The following XYLT1 variants were observed in gnomAD, a reference collection of about 807,000 sequenced individuals.
XYLT1 encodes beta-D-xylosyltransferase 1.
In XYLT1, 36 loss-of-function variants were observed where a neutral mutation model predicts 91.3. That is an observed-to-expected ratio of 0.39 (90% confidence interval 0.30 to 0.52). XYLT1 has a LOEUF of 0.52. XYLT1 is among the 20% of genes least tolerant of loss of function. XYLT1 has a pLI of 0.68. For missense variants in XYLT1, 1,242 were observed against 1,284.5 expected (o/e 0.97, Z 0.51); for synonymous variants, 588 against 532.0 (o/e 1.11, Z -1.45).
intron 1 of XYLT1, among the ~76,000 whole-genome samples, chr16:17,398,834 TTTTTG>T (rs61263735): frequency 6.7e-4 from 66 of 98,310 alleles, no homozygotes; most frequent in African/African-American, 1.0e-3. Context: ...CCCCACTGTT[TTTTTG>T]TTTTGTTTTG....
chr16:17,321,767 T>C (rs1172854561), intron 2 of XYLT1, among the ~76,000 whole-genome samples: 2 of 152,116 alleles, frequency 1.3e-5, no homozygotes, highest in South Asian at 2.1e-4. Context: ...TGGGGTGCTA[T>C]TGGAATCTAC....
chr16:17,192,366 T>A (rs1434277887), intron 5 of XYLT1, among the ~76,000 whole-genome samples: 1 of 152,096 alleles, frequency 6.6e-6, no homozygotes, highest in Non-Finnish European at 1.5e-5. Flanking sequence ...CCCAAAGTGC[T>A]GGTGGCATTA....
At chr16:17,352,339 C>G (rs1025191003) in intron 2 of XYLT1, among the ~76,000 whole-genome samples, 9 of 152,210 alleles carry the variant, frequency 5.9e-5, no homozygotes, top group African/African-American at 1.9e-4. Flanking sequence ...ATGCTCACAT[C>G]AGACATTAGT....
At chr16:17,132,712 G>A (rs576041297) in intron 9 of XYLT1, among the ~76,000 whole-genome samples, 36 of 152,206 alleles carry the variant, frequency 2.4e-4, no homozygotes, top group African/African-American at 7.0e-4. Flanking sequence ...AGACCAGCCT[G>A]GCCAACCTGG....
intron 1 of XYLT1, among the ~76,000 whole-genome samples, chr16:17,389,857 C>T (rs777615074): frequency 2.6e-5 from 4 of 152,132 alleles, no homozygotes; most frequent in Admixed American, 1.3e-4. Context: ...TTAAATTTAC[C>T]GACAGCTTAA....
intron 6 of XYLT1, among the ~76,000 whole-genome samples, chr16:17,148,223 G>A (rs887536553): frequency 2.0e-5 from 3 of 152,138 alleles, no homozygotes; most frequent in South Asian, 2.1e-4. Context: ...TTTAGTAAGC[G>A]CTGTTCACCC....
chr16:17,259,319 T>C lies in XYLT1; in HGVS notation c.582A>G (p.Lys194=). The C allele has an allele frequency of 6.2e-7, 1 of 1,614,098 alleles. No homozygotes were observed. Among genetic ancestry groups the C allele is most frequent in the Non-Finnish European group, 8.5e-7 (1 of 1,180,012 alleles). The change falls in exon 3 of 12, where the codon AAA becomes AAG. Residue 194 remains lysine (K), a synonymous_variant. Coordinates refer to ENST00000261381, the MANE Select transcript of XYLT1 (RefSeq NM_022166.4). The stretch of plus-strand genomic sequence containing the variant: ...CTTTCTCCTGCTGTTCCAGCTTCCT[T>C]TTCAAAAGCTCCTTCTGTCTACTCG... The part of the protein sequence containing the change: ...KPPSRQKELL[K]RKLEQQEKGK...
chr16:17,359,189 C>G lies in XYLT1; in HGVS notation c.364-1139G>C, dbSNP rs771799999. ...TTTATAATTCTGGGAAAAACAACCT[C>G]AAGCTTCCTCTGATAGAGAATGGGC... On this transcript the variant is annotated intron_variant, in intron 1 of 11. Coordinates refer to ENST00000261381, the MANE Select transcript of XYLT1 (RefSeq NM_022166.4). 4.6e-5 allele frequency among the ~76,000 whole-genome samples: 7 copies of G among 152,194 alleles called. No individual in the cohort carries two copies. The South Asian group carries it at 1.4e-3, about 32-fold the overall frequency.
intron 5 of XYLT1, among the ~76,000 whole-genome samples, chr16:17,188,620 A>C (rs2032241714): frequency 1.3e-5 from 2 of 152,176 alleles, no homozygotes; most frequent in African/African-American, 4.8e-5. Context: ...CAAAGTGCTC[A>C]TAGATCCTTC....
intron 3 of XYLT1, among the ~76,000 whole-genome samples, chr16:17,224,111 G>A (rs77371844): frequency 0.031 from 4,670 of 152,282 alleles, 111 homozygotes; most frequent in South Asian, 0.1. Context: ...AGTGGAAAAT[G>A]GAAAGGAAAT....
chr16:17,311,454 G>C (rs1486598694), intron 2 of XYLT1, among the ~76,000 whole-genome samples: 1 of 152,164 alleles, frequency 6.6e-6, no homozygotes, highest in Non-Finnish European at 1.5e-5. Flanking sequence ...GAGTCTGGGG[G>C]TGGCAGGTGA....
At chr16:17,427,852 C>T (rs1010545883) in intron 1 of XYLT1, among the ~76,000 whole-genome samples, 46 of 151,810 alleles carry the variant, frequency 3.0e-4, no homozygotes, top group Admixed American at 3.0e-3. Flanking sequence ...AAACGTTCAC[C>T]TGTCTACCAC....
chr16:17,313,912 T>A (rs2034588479), intron 2 of XYLT1, among the ~76,000 whole-genome samples: 1 of 152,124 alleles, frequency 6.6e-6, no homozygotes, highest in Non-Finnish European at 1.5e-5. Flanking sequence ...GGGCTTTTAT[T>A]TCTATTCTGT....
At chr16:17,212,098 G>A (rs768965725) in intron 3 of XYLT1, among the ~76,000 whole-genome samples, 15 of 152,220 alleles carry the variant, frequency 9.9e-5, no homozygotes, top group Non-Finnish European at 1.8e-4. Context: ...GGTCTCTGAT[G>A]AGCAGCATCA....
intron 3 of XYLT1, among the ~76,000 whole-genome samples, chr16:17,230,718 C>G (rs1402465572): frequency 6.6e-6 from 1 of 152,188 alleles, no homozygotes; most frequent in Non-Finnish European, 1.5e-5. Context: ...TCCGTGATAG[C>G]CTTTTCTTTC....
chr16:17,323,255 G>A (rs1426506493), intron 2 of XYLT1, among the ~76,000 whole-genome samples: 4 of 152,228 alleles, frequency 2.6e-5, no homozygotes, highest in African/African-American at 9.6e-5. Flanking sequence ...GTACGTAGAG[G>A]ACAGGCCTAT....
chr16:17,160,765 G>GC (rs1395155942), intron 5 of XYLT1, among the ~76,000 whole-genome samples: 18 of 152,162 alleles, frequency 1.2e-4, no homozygotes, highest in Non-Finnish European at 2.2e-4. Flanking sequence ...GTCCACTGGT[G>GC]CCTCCGACAC....
chr16:17,394,110 T>C (rs1464960859), intron 1 of XYLT1, among the ~76,000 whole-genome samples: 1 of 152,052 alleles, frequency 6.6e-6, no homozygotes, highest in African/African-American at 2.4e-5. Flanking sequence ...TGAAGTAAAT[T>C]CTCAGACCCA....
intron 2 of XYLT1, among the ~76,000 whole-genome samples, chr16:17,293,491 C>CT (rs548581536): frequency 0.1 from 11,898 of 118,306 alleles, 1,963 homozygotes; most frequent in Non-Finnish European, 0.14. Context: ...TTTCTCCCTC[C>CT]TTTTTTTTTT....
Sources: gnomAD v4.1 joint callset for allele counts (sites outside exome capture counted in the v4.1 genomes callset) on GRCh38, gnomAD v4.1.1 for gene constraint, MANE v1.5 for transcripts, NCBI Gene and HGNC (gene_info 2026-07-23, HGNC 2026-07-21) for gene names.